The following PTPRD variants were observed in gnomAD, a reference collection of about 807,000 sequenced individuals.
The protein encoded by PTPRD is protein tyrosine phosphatase receptor type D.
Under a neutral mutation model 214.5 loss-of-function variants are expected in PTPRD, and 34 were observed. The observed-to-expected ratio is 0.16, with a 90% confidence interval of 0.12 to 0.21. The LOEUF is 0.21. Among genes scored for constraint, PTPRD ranks in the 10% least tolerant of loss-of-function variants. The pLI is 1.00. For missense variants in PTPRD, 2,545 were observed against 2,398.7 expected, an observed-to-expected ratio of 1.06 and a Z score of -1.27; for synonymous variants, 1,128 against 845.7, an observed-to-expected ratio of 1.33 and a Z score of -5.79.
intron 3 of PTPRD, among the ~76,000 whole-genome samples, chr9:10,211,415 T>C (rs1054004425): frequency 2.6e-5 from 4 of 152,136 alleles, no homozygotes; most frequent in African/African-American, 9.7e-5. Context: ...ATTTAGATGG[T>C]CACCTTGCAC....
At chr9:8,822,072 G>A (rs1178181402) in intron 11 of PTPRD, among the ~76,000 whole-genome samples, 1 of 152,202 alleles carries the variant, frequency 6.6e-6, no homozygotes, top group Non-Finnish European at 1.5e-5. Flanking sequence ...TGTGAAAGCA[G>A]AAAACACATT....
intron 14 of PTPRD, among the ~76,000 whole-genome samples, chr9:8,628,065 T>A (rs1024617452): frequency 1.3e-5 from 2 of 152,010 alleles, no homozygotes; most frequent in East Asian, 3.9e-4. Context: ...CCCTTCCTTT[T>A]GTTTCAGTCT....
At chr9:9,278,376 A>G (rs1302262084) in intron 9 of PTPRD, among the ~76,000 whole-genome samples, 1 of 151,382 alleles carries the variant, frequency 6.6e-6, no homozygotes, top group Non-Finnish European at 1.5e-5. Context: ...GAAATTCACT[A>G]CACAGCCTTA....
intron 3 of PTPRD, among the ~76,000 whole-genome samples, chr9:10,259,512 G>A (rs1167417025): frequency 1.3e-5 from 2 of 152,066 alleles, no homozygotes; most frequent in Non-Finnish European, 2.9e-5. Context: ...AATAGGAGTC[G>A]CTGCTGTTTT....
At chr9:9,554,357 A>G (rs1346095787) in intron 8 of PTPRD, among the ~76,000 whole-genome samples, 1 of 151,832 alleles carries the variant, frequency 6.6e-6, no homozygotes, top group African/African-American at 2.4e-5. Context: ...TATTATAAAG[A>G]CTGCAGTATT....
At chr9:9,300,971 G>C (rs1955058998) in intron 9 of PTPRD, among the ~76,000 whole-genome samples, 1 of 151,628 alleles carries the variant, frequency 6.6e-6, no homozygotes. Context: ...TTTCCCACTA[G>C]AGTGTGAACT....
Position 9,933,173 on chromosome 9 carries a change from C to A in PTPRD, c.-368+5334G>T, listed in dbSNP as rs552684868. On this transcript the variant is annotated intron_variant, in intron 5 of 45. Coordinates refer to ENST00000381196, the MANE Select transcript of PTPRD (RefSeq NM_002839.4). Reference sequence around the variant, plus strand: ...ACTAGGAAGTAACTGCATCAACTAACGTGCAAAATAACCAGCTAACATCAT... The same window carrying A: ...ACTAGGAAGTAACTGCATCAACTAAAGTGCAAAATAACCAGCTAACATCAT... Among the ~76,000 whole-genome samples the A allele has an allele frequency of 2.6e-5, 4 of 152,326 alleles. No individual in the cohort carries two copies. In the South Asian group the frequency reaches 8.3e-4, roughly 32 times the overall value.
chr9:8,436,348 AAAC>A (rs2095348726), intron 35 of PTPRD, among the ~76,000 whole-genome samples: 1 of 150,066 alleles, frequency 6.7e-6, no homozygotes, highest in Non-Finnish European at 1.5e-5. Flanking sequence ...TAAAAATAAA[AAAC>A]AGAAAATTCA....
chr9:8,441,501 G>A (rs1177519678), intron 34 of PTPRD, among the ~76,000 whole-genome samples: 1 of 151,732 alleles, frequency 6.6e-6, no homozygotes. Flanking sequence ...CATGTCAAAC[G>A]ATAAGCTCTT....
At chr9:9,863,494 A>G (rs1336676800) in intron 5 of PTPRD, among the ~76,000 whole-genome samples, 1 of 152,168 alleles carries the variant, frequency 6.6e-6, no homozygotes, top group Admixed American at 6.5e-5. Flanking sequence ...TGTAGCAACT[A>G]AACAATTTGG....
chr9:9,989,037 A>AAAAAAAC (rs2095820612), intron 4 of PTPRD, among the ~76,000 whole-genome samples: 1 of 121,364 alleles, frequency 8.2e-6, no homozygotes, highest in Non-Finnish European at 1.9e-5. Context: ...AAAAAAAAAA[A>AAAAAAAC]AAAAAAAACC....
intron 2 of PTPRD, among the ~76,000 whole-genome samples, chr9:10,478,732 A>G (rs2099078607): frequency 6.6e-6 from 1 of 151,358 alleles, no homozygotes. Context: ...ATATATATGT[A>G]TATGTATATA....
At chr9:9,304,129 G>C (rs1322040579) in intron 9 of PTPRD, among the ~76,000 whole-genome samples, 4 of 152,054 alleles carry the variant, frequency 2.6e-5, no homozygotes, top group Non-Finnish European at 5.9e-5. Context: ...TCCAGGCACT[G>C]TTCTAGGCCC....
intron 7 of PTPRD, among the ~76,000 whole-genome samples, chr9:9,619,572 A>G (rs2095110216): frequency 6.8e-6 from 1 of 146,266 alleles, no homozygotes; most frequent in Non-Finnish European, 1.5e-5. Flanking sequence ...ATATGTCTAG[A>G]TTAATATATC....
intron 9 of PTPRD, among the ~76,000 whole-genome samples, chr9:9,279,809 T>A (rs890781783): frequency 3.0e-4 from 45 of 151,272 alleles, no homozygotes; most frequent in Non-Finnish European, 1.8e-4. Flanking sequence ...TTAATATGTG[T>A]TAATGTCCAA....
At chr9:8,329,853 T>C (rs1303303089) in intron 44 of PTPRD, among the ~76,000 whole-genome samples, 1 of 152,080 alleles carries the variant, frequency 6.6e-6, no homozygotes. Flanking sequence ...CAATGGCAGA[T>C]GCCTCTCCCC....
intron 3 of PTPRD, among the ~76,000 whole-genome samples, chr9:10,173,615 T>C (rs901540320): frequency 6.6e-6 from 1 of 151,900 alleles, no homozygotes; most frequent in Non-Finnish European, 1.5e-5. Flanking sequence ...CTAAAATCTT[T>C]TCAGAACATT....
At chr9:9,275,821 G>T (rs556864351) in intron 9 of PTPRD, among the ~76,000 whole-genome samples, 5 of 147,314 alleles carry the variant, frequency 3.4e-5, no homozygotes, top group Admixed American at 1.4e-4. Context: ...CGAAACAGCT[G>T]TGTGTGTGTG....
At chr9:8,948,469 A>ATATATATATATT (rs1483495095) in intron 11 of PTPRD, among the ~76,000 whole-genome samples, 4 of 7,048 alleles carry the variant, frequency 5.7e-4, no homozygotes, top group African/African-American at 1.5e-3. Context: ...ATATATTTAC[A>ATATATATATATT]TATATATATA....
Sources: gnomAD v4.1 joint callset for allele counts (sites outside exome capture counted in the v4.1 genomes callset) on GRCh38, gnomAD v4.1.1 for gene constraint, MANE v1.5 for transcripts, NCBI Gene and HGNC (gene_info 2026-07-23, HGNC 2026-07-21) for gene names.